Variants in SKIC2 observed in about 807,000 individuals in gnomAD.
The protein encoded by SKIC2 is SKI2 subunit of superkiller complex.
chr6:31,963,956 G>A, the SKIC2 span: 12 of 1,611,970 alleles, frequency 7.4e-6, no homozygotes, highest in African/African-American at 1.3e-5. The surrounding 1 kb of genome is among the most constrained non-coding windows in gnomAD (Gnocchi z 5.3). Flanking sequence ...CTCCGCACAC[G>A]TGCCCAGTTG....
chr6:31,963,509 G>A, the SKIC2 span: 3 of 1,607,764 alleles, frequency 1.9e-6, no homozygotes, highest in East Asian at 4.5e-5. The surrounding 1 kb of genome is among the most constrained non-coding windows in gnomAD (Gnocchi z 5.3). Flanking sequence ...CCAAGACCCA[G>A]GGGGAGCTCT....
chr6:31,966,659 G>A, the SKIC2 span: 1 of 1,607,422 alleles, frequency 6.2e-7, no homozygotes. This position sits in a 1 kb window ranked among gnomAD's most constrained non-coding sequence, Gnocchi z 5.9. Context: ...ACTGGCTGGG[G>A]TTCAGTAGGT....
At chr6:31,967,082 G>A in the SKIC2 span, 6 of 1,612,900 alleles carry the variant, frequency 3.7e-6, no homozygotes, top group East Asian at 2.2e-5. This position sits in a 1 kb window ranked among gnomAD's most constrained non-coding sequence, Gnocchi z 4.9. Context: ...CCAACTGGTC[G>A]ACCTGCCTGA....
the SKIC2 span, chr6:31,961,805 C>T: frequency 8.3e-5 from 128 of 1,545,398 alleles, no homozygotes; most frequent in Non-Finnish European, 1.0e-4. Context: ...GTCCCAGCCT[C>T]GGCTGGCTCC....
At chr6:31,966,224 T>A in the SKIC2 span, among the ~76,000 whole-genome samples, 1 of 151,794 alleles carries the variant, frequency 6.6e-6, no homozygotes, top group Non-Finnish European at 1.5e-5. The surrounding 1 kb of genome is among the most constrained non-coding windows in gnomAD (Gnocchi z 5.9). Context: ...GCCTCCCAAG[T>A]AGGTGGGATT....
the SKIC2 span, chr6:31,960,926 G>A: frequency 2.1e-6 from 2 of 936,622 alleles, no homozygotes; most frequent in African/African-American, 1.6e-5. Context: ...AAGTGTCATA[G>A]CAAACATCCC....
the SKIC2 span, chr6:31,966,074 C>T: frequency 1.1e-5 from 12 of 1,058,404 alleles, no homozygotes; most frequent in Admixed American, 5.5e-5. The surrounding 1 kb of genome is among the most constrained non-coding windows in gnomAD (Gnocchi z 5.9). Flanking sequence ...ATTCTGTCTT[C>T]GATTCTCCTC....
chr6:31,967,644 G>A, the SKIC2 span: 2 of 1,536,908 alleles, frequency 1.3e-6, no homozygotes, highest in Non-Finnish European at 1.8e-6. The surrounding 1 kb of genome is among the most constrained non-coding windows in gnomAD (Gnocchi z 4.9). Context: ...GCCCAAGGGT[G>A]GGTATCTGGT....
At chr6:31,962,133 C>G in the SKIC2 span, 11 of 1,418,728 alleles carry the variant, frequency 7.8e-6, no homozygotes, top group East Asian at 4.6e-5. The surrounding 1 kb of genome is among the most constrained non-coding windows in gnomAD (Gnocchi z 5.0). Context: ...CTCATCTCTT[C>G]CCCCACCTCT....
At chr6:31,962,403 G>A in the SKIC2 span, 3 of 1,612,984 alleles carry the variant, frequency 1.9e-6, no homozygotes, top group Non-Finnish European at 2.5e-6. The surrounding 1 kb of genome is among the most constrained non-coding windows in gnomAD (Gnocchi z 5.0). Flanking sequence ...CCATGAGTCT[G>A]CGGAGGGACT....
At chr6:31,963,432 A>G in the SKIC2 span, 1 of 1,598,554 alleles carries the variant, frequency 6.3e-7, no homozygotes, top group Non-Finnish European at 8.5e-7. The surrounding 1 kb of genome is among the most constrained non-coding windows in gnomAD (Gnocchi z 5.3). Context: ...GCGTCGTCAG[A>G]TCTATGTGAT....
the SKIC2 span, chr6:31,965,967 G>T: frequency 6.2e-7 from 1 of 1,610,790 alleles, no homozygotes; most frequent in South Asian, 1.1e-5. This position sits in a 1 kb window ranked among gnomAD's most constrained non-coding sequence, Gnocchi z 5.6. Context: ...ATCCTGCTCT[G>T]CAAGGGCCGA....
the SKIC2 span, chr6:31,966,867 A>G: frequency 1.2e-6 from 2 of 1,614,106 alleles, no homozygotes; most frequent in South Asian, 1.1e-5. This position sits in a 1 kb window ranked among gnomAD's most constrained non-coding sequence, Gnocchi z 5.9. Context: ...TGGGGTAACC[A>G]GTGTGTGGAG....
the SKIC2 span, chr6:31,968,020 G>A: frequency 1.2e-6 from 2 of 1,612,946 alleles, no homozygotes; most frequent in African/African-American, 2.7e-5. This position sits in a 1 kb window ranked among gnomAD's most constrained non-coding sequence, Gnocchi z 6.1. Context: ...CCACCAAGGT[G>A]CTCCGGGTGA....
the SKIC2 span, chr6:31,963,888 C>G: frequency 1.3e-6 from 2 of 1,588,792 alleles, no homozygotes; most frequent in Non-Finnish European, 1.7e-6. This position sits in a 1 kb window ranked among gnomAD's most constrained non-coding sequence, Gnocchi z 5.3. Flanking sequence ...ACCTCTGCTC[C>G]TTCCCCTTCC....
chr6:31,964,319 C>G, the SKIC2 span: 1 of 1,612,926 alleles, frequency 6.2e-7, no homozygotes, highest in Non-Finnish European at 8.5e-7. This position sits in a 1 kb window ranked among gnomAD's most constrained non-coding sequence, Gnocchi z 5.0. Context: ...CGTGGAGATG[C>G]TCTTCAGCCG....
chr6:31,969,431 G>A, the SKIC2 span: 3 of 1,614,070 alleles, frequency 1.9e-6, no homozygotes, highest in African/African-American at 4.0e-5. This position sits in a 1 kb window ranked among gnomAD's most constrained non-coding sequence, Gnocchi z 6.1. Flanking sequence ...GTGAGTACCT[G>A]AGGTTTGGGA....
At chr6:31,963,047 G>T in the SKIC2 span, 1 of 1,612,890 alleles carries the variant, frequency 6.2e-7, no homozygotes, top group Non-Finnish European at 8.5e-7. This position sits in a 1 kb window ranked among gnomAD's most constrained non-coding sequence, Gnocchi z 5.3. Flanking sequence ...TCATCCTTCT[G>T]AGTGCCACCG....
chr6:31,962,047 A>G, the SKIC2 span: 18 of 1,612,856 alleles, frequency 1.1e-5, no homozygotes, highest in Admixed American at 1.3e-4. The surrounding 1 kb of genome is among the most constrained non-coding windows in gnomAD (Gnocchi z 5.0). Context: ...CCAGAAACAC[A>G]TGACACGGTA....
Sources: gnomAD v4.1 joint callset for allele counts (sites outside exome capture counted in the v4.1 genomes callset) on GRCh38, gnomAD v4.1.1 for gene constraint, Gnocchi (gnomAD v3.1) non-coding constraint, MANE v1.5 for transcripts, NCBI Gene and HGNC (gene_info 2026-07-23, HGNC 2026-07-21) for gene names.